The following TUT4 variants were observed in gnomAD, a reference collection of about 807,000 sequenced individuals.
TUT4 encodes terminal uridylyltransferase 4.
Under a neutral mutation model 192.2 loss-of-function variants are expected in TUT4, and 36 were observed. The observed-to-expected ratio is 0.19, with a 90% confidence interval of 0.14 to 0.25. TUT4 has a LOEUF of 0.25. Among genes scored for constraint, TUT4 ranks in the 10% least tolerant of loss-of-function variants. The pLI is 1.00. For synonymous variants in TUT4, 618 were observed against 666.0 expected (o/e 0.93, Z 1.11); for missense variants, 1,493 against 1,957.2 (o/e 0.76, Z 4.47).
At position 52,438,304 on chromosome 1, in the gene TUT4, T is replaced by C. The variant is rs1300993177; in HGVS notation, c.3854A>G (p.Asp1285Gly). The C allele has an allele frequency of 1.2e-6, 2 of 1,613,914 alleles. No individual in the cohort carries two copies. The highest frequency in any genetic ancestry group is 2.2e-5 in the East Asian group (1 of 44,840). Residue 1285 changes from aspartate to glycine, a missense_variant, in exon 25 of 30, where the codon GAT becomes GGT. Transcript: ENST00000257177. ...EYFFDSRVLT[D>G]GELAPNDRCC... ...TCTATCATTGGGAGCCAGTTCTCCA[T>C]CTGTTAATACTCTGGAATCAAAGAA...
At chr1:52,498,905 TATATATATATATATATATA>T (rs1673269032) in intron 4 of TUT4, among the ~76,000 whole-genome samples, 16 of 2,012 alleles carry the variant, frequency 8.0e-3, no homozygotes, top group South Asian at 0.022. Context: ...AAAAAAATTA[TATATATATATATATATATA>T]TATATATATA....
At chr1:52,456,706 C>G (rs1238538042) in intron 20 of TUT4, among the ~76,000 whole-genome samples, 1 of 151,810 alleles carries the variant, frequency 6.6e-6, no homozygotes, top group African/African-American at 2.4e-5. Context: ...GATGACTAGG[C>G]AAAGTACAAA....
chr1:52,454,211 T>C (rs2406653), intron 20 of TUT4, among the ~76,000 whole-genome samples: 13,268 of 152,164 alleles, frequency 0.087, 739 homozygotes, highest in East Asian at 0.2. Flanking sequence ...ATTTTGTGGA[T>C]ATAGACAAAC....
Position 52,475,545 on chromosome 1 carries a change from G to A in TUT4, c.2024-10C>T. The A allele has an allele frequency of 6.3e-7, 1 of 1,595,766 alleles. No individual in the cohort carries two copies. The highest frequency in any genetic ancestry group is 8.5e-7 in the Non-Finnish European group (1 of 1,171,092). ...TTGACTGAAAATGGATCTAGCAAAA[G>A]AGAAAATGGTAAATAGCTAAGTCTC... On this transcript the variant is annotated splice_polypyrimidine_tract_variant and intron_variant, in intron 12 of 29. Transcript: ENST00000257177.
chr1:52,493,587 A>T, intron 7 of TUT4, 24 bp downstream of exon 7: 2 of 1,405,904 alleles, frequency 1.4e-6, no homozygotes, highest in Non-Finnish European at 1.9e-6. Flanking sequence ...AAAAAAAAAG[A>T]AAAGAAAAAG....
At chr1:52,430,523 T>C (rs903616401) in intron 28 of TUT4, among the ~76,000 whole-genome samples, 1 of 152,130 alleles carries the variant, frequency 6.6e-6, no homozygotes, top group African/African-American at 2.4e-5. Context: ...CTTCAGGTGA[T>C]CCACCTGCCT....
intron 1 of TUT4, among the ~76,000 whole-genome samples, chr1:52,545,875 A>G (rs1687938373): frequency 6.7e-6 from 1 of 150,134 alleles, no homozygotes; most frequent in Non-Finnish European, 1.5e-5. Flanking sequence ...TAATCCCAGC[A>G]GTTTGGGAGG....
intron 9 of TUT4, among the ~76,000 whole-genome samples, chr1:52,488,443 TA>T (rs1304146931): frequency 1.3e-5 from 2 of 152,184 alleles, no homozygotes; most frequent in African/African-American, 4.8e-5. Context: ...TTAGGAAACT[TA>T]AATAACTAAT....
chr1:52,454,165 G>A (rs1190322941), intron 20 of TUT4, among the ~76,000 whole-genome samples: 2 of 152,174 alleles, frequency 1.3e-5, no homozygotes, highest in East Asian at 3.8e-4. Context: ...TTGGTCTCCA[G>A]ATTCAATTCA....
At chr1:52,498,180 C>A (rs1163212256) in intron 4 of TUT4, among the ~76,000 whole-genome samples, 1 of 150,962 alleles carries the variant, frequency 6.6e-6, no homozygotes, top group Non-Finnish European at 1.5e-5. Context: ...GTGATCATTT[C>A]TGCAATTCTT....
chr1:52,546,738 G>T lies in TUT4; in HGVS notation c.-94+6193C>A, dbSNP rs568075202. Among the ~76,000 whole-genome samples, 7 of 152,114 alleles carry T rather than the reference G, an allele frequency of 4.6e-5. 1 individual carries two copies. The South Asian group carries it at 8.3e-4, about 18-fold the overall frequency. On this transcript the variant is annotated intron_variant, in intron 1 of 29. Coordinates refer to ENST00000257177, the MANE Select transcript of TUT4 (RefSeq NM_001009881.3). Reference sequence around the variant, plus strand: ...TAAAAGTTGGAAACAAGTTTAAATGGTTAATTTGTTATGTACACTTTATCA... The same window carrying T: ...TAAAAGTTGGAAACAAGTTTAAATGTTTAATTTGTTATGTACACTTTATCA...
chr1:52,541,195 C>T (rs558555508), intron 1 of TUT4, among the ~76,000 whole-genome samples: 6 of 138,134 alleles, frequency 4.3e-5, no homozygotes, highest in African/African-American at 1.6e-4. Flanking sequence ...GGCCACAGAG[C>T]GAGACTCTGT....
At chr1:52,493,156 T>C (rs1012072827) in intron 7 of TUT4, among the ~76,000 whole-genome samples, 2 of 152,234 alleles carry the variant, frequency 1.3e-5, no homozygotes, top group African/African-American at 4.8e-5. Context: ...CAATCTCAGC[T>C]CACTGCAACC....
chr1:52,444,678 G>A (rs1184310717), intron 24 of TUT4, among the ~76,000 whole-genome samples: 1 of 149,316 alleles, frequency 6.7e-6, no homozygotes, highest in Non-Finnish European at 1.5e-5. Context: ...ATCTTCCAGT[G>A]AACATAAGGC....
intron 13 of TUT4, among the ~76,000 whole-genome samples, chr1:52,473,141 TA>T (rs1299993706): frequency 6.6e-6 from 1 of 152,152 alleles, no homozygotes; most frequent in African/African-American, 2.4e-5. Context: ...GTTATATAAT[TA>T]AGTTTTCTAA....
chr1:52,518,683 C>T (rs760556713), intron 2 of TUT4, among the ~76,000 whole-genome samples: 3 of 152,146 alleles, frequency 2.0e-5, no homozygotes, highest in Non-Finnish European at 2.9e-5. Flanking sequence ...ACCTTAAAAA[C>T]ATGACACTAA....
intron 9 of TUT4, among the ~76,000 whole-genome samples, chr1:52,487,689 G>A (rs1433765840): frequency 1.3e-5 from 2 of 152,044 alleles, no homozygotes; most frequent in Non-Finnish European, 2.9e-5. Flanking sequence ...GACTGCTTGA[G>A]CCCAGAAGTT....
chr1:52,456,471 T>C (rs970298574), intron 20 of TUT4, among the ~76,000 whole-genome samples: 2 of 65,292 alleles, frequency 3.1e-5, no homozygotes, highest in Non-Finnish European at 6.7e-5. Context: ...AACAAAAAAG[T>C]CTGAACATTT....
chr1:52,527,560 C>T (rs1267899991), intron 1 of TUT4, among the ~76,000 whole-genome samples: 3 of 151,688 alleles, frequency 2.0e-5, no homozygotes, highest in Admixed American at 6.6e-5. Flanking sequence ...TCAAAAACAA[C>T]AACAACAAAA....
Sources: allele counts gnomAD v4.1 joint callset (sites outside exome capture counted in the v4.1 genomes callset), GRCh38; gene constraint gnomAD v4.1.1; transcripts MANE v1.5; gene names NCBI Gene and HGNC (gene_info 2026-07-23, HGNC 2026-07-21).